The following METTL14 variants were observed in gnomAD, a reference collection of about 807,000 sequenced individuals.
METTL14 encodes N(6)-adenosine-methyltransferase non-catalytic subunit METTL14.
Under a neutral mutation model 62.4 loss-of-function variants are expected in METTL14, and 32 were observed. The ratio of observed to expected loss-of-function variants is 0.51; its 90% CI spans 0.39 to 0.69. The LOEUF (loss-of-function observed/expected upper bound fraction) is 0.69. Ranked by LOEUF, METTL14 falls within the 30% of genes least tolerant of loss-of-function variation. The pLI is 0.00. For missense variants in METTL14, 340 were observed against 551.9 expected, an observed-to-expected ratio of 0.62 and a Z score of 3.85; for synonymous variants, 150 against 180.0, an observed-to-expected ratio of 0.83 and a Z score of 1.34.
chr4:118,686,629 C>G, intron 1 of METTL14: 1 of 456,242 alleles, frequency 2.2e-6, no homozygotes, highest in Non-Finnish European at 4.4e-6. Context: ...GCATTACGAT[C>G]TTGGGCAAAT....
At chr4:118,706,625 G>C (rs1468480043) in intron 10 of METTL14, among the ~76,000 whole-genome samples, 1 of 152,134 alleles carries the variant, frequency 6.6e-6, no homozygotes, top group Non-Finnish European at 1.5e-5. Context: ...GGATTGTATG[G>C]TAAGAATGTT....
In METTL14 at chr4:118,692,075, C is replaced by G; in HGVS notation, c.412+7C>G. ...AATTTCATCAGGGATGTAGGTATGT[C>G]AGGTTTGTTTGGACTACGCTATTGC... On this transcript the variant is annotated splice_region_variant and intron_variant, in intron 5 of 10. Transcript: ENST00000388822. The G allele has an allele frequency of 6.3e-7, 1 of 1,584,274 alleles. No homozygotes were observed. The highest frequency in any genetic ancestry group is 8.6e-7 in the Non-Finnish European group (1 of 1,158,692).
At position 118,714,243 on chromosome 4, in the gene METTL14, C is replaced by G. The variant is rs946343987; in HGVS notation, c.*3941C>G. On this transcript the variant is annotated 3_prime_UTR_variant, in exon 11 of 11. Coordinates refer to ENST00000388822, the MANE Select transcript of METTL14 (RefSeq NM_020961.4). ...CACTCATTTACTTTCATCCATCTATCTGTGCTTTTTCTCACTTTGATGAGT... is the reference window on the plus strand; with the variant it reads ...CACTCATTTACTTTCATCCATCTATGTGTGCTTTTTCTCACTTTGATGAGT... 5 of 152,210 alleles carry G rather than the reference C, an allele frequency of 3.3e-5. No homozygotes were observed. Among genetic ancestry groups the G allele is most frequent in the Non-Finnish European group, 5.9e-5 (4 of 68,030 alleles). The allele number at this position is 152,210 out of a possible 1,614,324, so 9.4% of individuals were successfully genotyped here.
At position 118,685,687 on chromosome 4, in the gene METTL14, C is replaced by T. The variant is rs185223008; in HGVS notation, c.66+87C>T. The T allele has an allele frequency of 3.7e-4, 403 of 1,098,028 alleles. 3 individuals are homozygous for T. The African/African-American group carries it at 5.9e-3, about 16-fold the overall frequency. 68.0% of individuals were successfully genotyped at this position (1,098,028 alleles called of 1,614,324 possible). A position where few individuals can be genotyped will look rare whatever the true frequency, so the allele number is the denominator to read the frequency against. On this transcript the variant is annotated intron_variant, in intron 1 of 10. Coordinates refer to ENST00000388822, the MANE Select transcript of METTL14 (RefSeq NM_020961.4). Reference sequence around the variant, plus strand: ...CCCTCCACACCCCGCCTTTTTCTGTCCCTTCTCTACCTGCCGCTGTTAAGG... The same window carrying T: ...CCCTCCACACCCCGCCTTTTTCTGTTCCTTCTCTACCTGCCGCTGTTAAGG...
intron 3 of METTL14, among the ~76,000 whole-genome samples, chr4:118,689,860 G>A (rs760327255): frequency 3.3e-5 from 5 of 151,564 alleles, no homozygotes; most frequent in Non-Finnish European, 7.4e-5. Context: ...GGATGGTCTT[G>A]ATCTCTTTAC....
chr4:118,697,440 G>GAT, intron 7 of METTL14, 117 bp downstream of exon 7: 3 of 843,572 alleles, frequency 3.6e-6, no homozygotes, highest in Non-Finnish European at 5.2e-6. Flanking sequence ...TATAAATGTA[G>GAT]ATTTATAGTG....
At chr4:118,708,026 A>G (rs996280652) in intron 10 of METTL14, among the ~76,000 whole-genome samples, 1 of 152,026 alleles carries the variant, frequency 6.6e-6, no homozygotes, top group African/African-American at 2.4e-5. Context: ...ATGTTTCACC[A>G]TGTTGGCCAA....
Position 118,685,545 on chromosome 4 carries a change from G to T in METTL14, c.11G>T (p.Arg4Leu), listed in dbSNP as rs1389441968. The change falls in exon 1 of 11, where the codon CGC (arginine) becomes CTC (leucine). Residue 4 changes from arginine (R) to leucine (L), a missense_variant. Arg to Leu is a moderately radical substitution (Grantham distance 102). Around this residue, in one of 7 missense-constraint regions of METTL14, gnomAD observed 111 missense variants for 116.6 expected, o/e 0.95. Transcript: ENST00000388822. ...AGCCGGAGTTGGAACATGGATAGCCGCTTGCAGGAGATCCGGGAGCGGCAG... is the reference window on the plus strand; with the variant it reads ...AGCCGGAGTTGGAACATGGATAGCCTCTTGCAGGAGATCCGGGAGCGGCAG... MDS[R>L]LQEIRERQKL... is the part of the protein sequence containing the mutation. 3.1e-6 allele frequency: 5 copies of T among 1,614,018 alleles called. No individual in the cohort carries two copies. The East Asian group carries it at 6.7e-5, about 22-fold the overall frequency.
rs1724169571 is a variant in METTL14, at chr4:118,689,279, G to C, written c.156-91G>C. 3 of 641,624 alleles carry C rather than the reference G, an allele frequency of 4.7e-6. No homozygotes were observed. The South Asian group carries it at 8.5e-5, about 18-fold the overall frequency. 39.7% of individuals were successfully genotyped at this position (641,624 alleles called of 1,614,324 possible). A position where few individuals can be genotyped will look rare whatever the true frequency, so the allele number is the denominator to read the frequency against. On this transcript the variant is annotated intron_variant, in intron 2 of 10. Transcript: ENST00000388822. ...TCTTTAATCAGGAAAAATTTGTCTT[G>C]TTCTGTTTTTATAACCTGTTTATTA...
Position 118,685,411 on chromosome 4 carries a change from C to G in METTL14, c.-124C>G. On this transcript the variant is annotated 5_prime_UTR_variant, in exon 1 of 11. Coordinates refer to ENST00000388822, the MANE Select transcript of METTL14 (RefSeq NM_020961.4). ...CGCCGGAAGTCTCTACTGAGGAAAG[C>G]TATGAGGATACTCTGTTCGTAAGCT... The G allele has an allele frequency of 6.2e-6, 6 of 971,036 alleles. No individual in the cohort carries two copies. Among genetic ancestry groups the G allele is most frequent in the Non-Finnish European group, 9.8e-6 (6 of 612,678 alleles). The allele number at this position is 971,036 out of a possible 1,614,324, so 60.2% of individuals were successfully genotyped here.
chr4:118,698,006 G>C (rs1332043108), intron 7 of METTL14, among the ~76,000 whole-genome samples: 1 of 152,122 alleles, frequency 6.6e-6, no homozygotes, highest in Non-Finnish European at 1.5e-5. Context: ...TATGTAGGTT[G>C]GTATTGTTGG....
rs371489979 is a variant in METTL14, at chr4:118,710,980, C to T, written c.*678C>T. 1.3e-5 allele frequency: 2 copies of T among 151,736 alleles called. No homozygotes were observed. The highest frequency in any genetic ancestry group is 2.9e-5 in the Non-Finnish European group (2 of 67,988). The allele number at this position is 151,736 out of a possible 1,614,324, so 9.4% of individuals were successfully genotyped here. On this transcript the variant is annotated 3_prime_UTR_variant, in exon 11 of 11. Coordinates refer to ENST00000388822, the MANE Select transcript of METTL14 (RefSeq NM_020961.4). ...ATTTTGTGGCTATGACTCCTAATCA[C>T]GCTTCCTAAGAAGCAAAGGAGGACA...
intron 5 of METTL14, among the ~76,000 whole-genome samples, chr4:118,694,000 T>A (rs1724326710): frequency 6.6e-6 from 1 of 152,048 alleles, no homozygotes; most frequent in Non-Finnish European, 1.5e-5. Context: ...ACTCATTTTC[T>A]TTGCTTTGAA....
chr4:118,696,842 A>G (rs1047951309), intron 6 of METTL14, among the ~76,000 whole-genome samples: 2 of 152,136 alleles, frequency 1.3e-5, no homozygotes, highest in Admixed American at 6.5e-5. Context: ...TGAGAAGGGA[A>G]AGGGGTTCAG....
At chr4:118,699,579 G>T (rs1560881362) in intron 7 of METTL14, among the ~76,000 whole-genome samples, 1 of 152,058 alleles carries the variant, frequency 6.6e-6, no homozygotes, top group East Asian at 1.9e-4. Context: ...TTGCTCAAAA[G>T]AAAAAATTTA....
rs1724747828 is a variant in METTL14, at chr4:118,706,066, A to G, written c.1066+245A>G. ...TCAGTATCTCCCAACAGAGTGGTAC[A>G]TTTGTTACAAATGATGAACCTACAT... On this transcript the variant is annotated intron_variant, in intron 10 of 10. Transcript: ENST00000388822. Among the ~76,000 whole-genome samples the G allele has an allele frequency of 2.6e-5, 4 of 152,332 alleles. No individual in the cohort carries two copies. The South Asian group carries it at 8.3e-4, about 32-fold the overall frequency.
In METTL14 at chr4:118,710,067, G is replaced by A. The variant is rs564532744; in HGVS notation, c.1136G>A (p.Ser379Asn). Reference sequence around the variant, plus strand: ...GCAGAAACATATGCATCCTATTTCAGTGCTCCTAATTCCTACTTGACTGGT... The same window carrying A: ...GCAGAAACATATGCATCCTATTTCAATGCTCCTAATTCCTACTTGACTGGT... ...YNAETYASYF[S>N]APNSYLTGCT... The change falls in exon 11 of 11, where the codon AGT (serine) becomes AAT (asparagine). Residue 379 changes from serine (S) to asparagine (N), a missense_variant. By Grantham distance (46) the Ser-to-Asn change is conservative. Transcript: ENST00000388822. 3.1e-6 allele frequency: 5 copies of A among 1,614,140 alleles called. No individual in the cohort carries two copies. In the African/African-American group the frequency reaches 4.0e-5, roughly 13 times the overall value.
In METTL14 at chr4:118,692,063, A is replaced by ATGTAGGTATGTCAGGTT. The variant is rs1724264384; in HGVS notation, c.411_412+15dup. 1.3e-6 allele frequency: 2 copies of ATGTAGGTATGTCAGGTT among 1,599,528 alleles called. No individual in the cohort carries two copies. The highest frequency in any genetic ancestry group is 1.7e-6 in the Non-Finnish European group (2 of 1,170,106). On this transcript the variant is annotated frameshift_variant, in exon 5 of 11. Coordinates refer to ENST00000388822, the MANE Select transcript of METTL14 (RefSeq NM_020961.4). LOFTEE classifies it high-confidence loss of function. ...CATAGACCTCAGAATTTCATCAGGG[A>ATGTAGGTATGTCAGGTT]TGTAGGTATGTCAGGTTTGTTTGGA...
chr4:118,715,340 T>C lies in METTL14; in HGVS notation c.*5038T>C, dbSNP rs1725017565. On this transcript the variant is annotated 3_prime_UTR_variant, in exon 11 of 11. Transcript: ENST00000388822. ...GTTTATGCTGGTTAAATGATCAAAGTAATTGCTTAAATGTCTTGTGGAATT... is the reference window on the plus strand; with the variant it reads ...GTTTATGCTGGTTAAATGATCAAAGCAATTGCTTAAATGTCTTGTGGAATT... 1 of 152,248 alleles carries C rather than the reference T, an allele frequency of 6.6e-6. No individual in the cohort carries two copies. Among genetic ancestry groups the C allele is most frequent in the South Asian group, 2.1e-4 (1 of 4,834 alleles). The allele number at this position is 152,248 out of a possible 1,614,324, so 9.4% of individuals were successfully genotyped here.
Sources: gnomAD v4.1 joint callset for allele counts (sites outside exome capture counted in the v4.1 genomes callset) on GRCh38, gnomAD v4.1.1 for gene constraint, gnomAD v4.1.1 regional missense constraint, MANE v1.5 for transcripts, NCBI Gene and HGNC (gene_info 2026-07-23, HGNC 2026-07-21) for gene names.